Variants in CWF19L1 observed in about 807,000 individuals in gnomAD.
CWF19L1 encodes the protein CWF19-like protein 1.
CWF19L1 carries 60 observed loss-of-function variants against 69.7 expected under a neutral mutation model. The observed-to-expected ratio is 0.86, with a 90% CI of 0.70 to 1.07. CWF19L1 has a LOEUF of 1.07. Among genes scored for constraint, CWF19L1 ranks in the 50% least tolerant of loss-of-function variants. The pLI is 0.00. For synonymous variants in CWF19L1, 209 were observed against 222.2 expected, an observed-to-expected ratio of 0.94 and a Z score of 0.53; for missense variants, 591 against 638.9, an observed-to-expected ratio of 0.92 and a Z score of 0.81.
At position 100,246,068 on chromosome 10, in the gene CWF19L1, GT is replaced by G. The variant is rs1846810648; in HGVS notation, c.850-156del. The G allele has an allele frequency of 1.4e-5, 8 of 578,794 alleles. No homozygotes were observed. In the South Asian group the frequency reaches 1.8e-4, roughly 13 times the overall value. 35.9% of individuals were successfully genotyped at this position (578,794 alleles called of 1,614,324 possible). A position where few individuals can be genotyped will look rare whatever the true frequency, so the allele number is the denominator to read the frequency against. On this transcript the variant is annotated intron_variant, in intron 8 of 13. Coordinates refer to ENST00000354105, the MANE Select transcript of CWF19L1 (RefSeq NM_018294.6). ...TCTAGGGAAGCAAAATATCTTCCCA[GT>G]TCTGATGCCTGAAGTCTCAGTCATA...
chr10:100,234,719 T>C (rs1405870955), intron 13 of CWF19L1, among the ~76,000 whole-genome samples: 1 of 152,228 alleles, frequency 6.6e-6, no homozygotes, highest in Non-Finnish European at 1.5e-5. Context: ...CAGCATCAGA[T>C]ACTCTGTTCT....
At chr10:100,257,489 G>A (rs1357974192) in intron 4 of CWF19L1, among the ~76,000 whole-genome samples, 1 of 151,612 alleles carries the variant, frequency 6.6e-6, no homozygotes, top group Admixed American at 6.6e-5. Flanking sequence ...TAGTAGAGAT[G>A]GGGTTTCATC....
At chr10:100,247,999 A>G (rs1846887029) in intron 7 of CWF19L1, among the ~76,000 whole-genome samples, 1 of 152,128 alleles carries the variant, frequency 6.6e-6, no homozygotes, top group Admixed American at 6.6e-5. Flanking sequence ...AAGTTTTTAG[A>G]TGAATTTAAC....
chr10:100,238,318 G>A (rs1043796058), intron 10 of CWF19L1, 87 bp from the exon 11 acceptor site: 1 of 1,193,670 alleles, frequency 8.4e-7, no homozygotes, highest in Admixed American at 2.1e-5. Flanking sequence ...GTGAGCCTGA[G>A]GGTGTAGGCG....
rs2134268636 is a variant in CWF19L1 at position 100,233,321 on chromosome 10, C to T, written c.1523G>A (p.Trp508Ter). The T allele has an allele frequency of 6.2e-7, 1 of 1,613,960 alleles. No individual in the cohort carries two copies. The highest frequency in any genetic ancestry group is 1.7e-5 in the Admixed American group (1 of 60,004). Residue 508 changes from tryptophan to a stop codon, truncating the protein, a stop_gained, in exon 14 of 14, where the codon TGG (tryptophan) becomes TAG (stop). Transcript: ENST00000354105. LOFTEE classifies it high-confidence loss of function. ...AILNVPDKSD[W>*]RQCQISKEDE... ...TTCCTTGCTGATCTGACACTGCCTC[C>T]AGTCAGACTTATCAGGAACATTAAG...
chr10:100,233,644 G>T (rs1424286230), intron 13 of CWF19L1, among the ~76,000 whole-genome samples: 1 of 152,164 alleles, frequency 6.6e-6, no homozygotes, highest in Non-Finnish European at 1.5e-5. Flanking sequence ...CATAGAAAAA[G>T]GGCAGGCCCT....
chr10:100,254,678 C>A (rs868109893), intron 5 of CWF19L1: 1 of 152,126 alleles, frequency 6.6e-6, no homozygotes, highest in African/African-American at 2.4e-5. Flanking sequence ...CATAAATATA[C>A]TGTATGGTTA....
chr10:100,246,994 A>T, intron 7 of CWF19L1, 59 bp from the exon 8 acceptor site: 2 of 1,454,884 alleles, frequency 1.4e-6, no homozygotes, highest in Non-Finnish European at 1.9e-6. Flanking sequence ...AACTGTAATC[A>T]ACCTATTTTA....
chr10:100,267,540 G>A (rs750288690), intron 1 of CWF19L1, 31 bp downstream of exon 1: 4 of 1,614,054 alleles, frequency 2.5e-6, no homozygotes, highest in South Asian at 1.1e-5. Context: ...AAGAGACACA[G>A]GGAGAGAGGC....
At chr10:100,260,910 T>G in intron 3 of CWF19L1, 56 bp downstream of exon 3, 1 of 1,081,726 alleles carries the variant, frequency 9.2e-7, no homozygotes. Flanking sequence ...CTGCAAGAAC[T>G]CTGGCCCTTG....
chr10:100,248,564 T>C (rs1034935604), intron 7 of CWF19L1: 2 of 728,462 alleles, frequency 2.7e-6, no homozygotes, highest in Admixed American at 3.7e-5. Flanking sequence ...GCTAGCCAGC[T>C]TCCTCGCATC....
chr10:100,246,126 C>A, intron 8 of CWF19L1: 1 of 467,546 alleles, frequency 2.1e-6, no homozygotes, highest in Non-Finnish European at 3.8e-6. Context: ...CTGCCAAATT[C>A]ATCTCTTTGG....
intron 10 of CWF19L1, among the ~76,000 whole-genome samples, chr10:100,240,823 C>T (rs778971969): frequency 3.3e-5 from 5 of 151,858 alleles, no homozygotes; most frequent in East Asian, 1.9e-4. Flanking sequence ...AATCCAAAGA[C>T]GAAAAAAGAT....
At chr10:100,237,194 G>A in intron 11 of CWF19L1, 1 of 721,070 alleles carries the variant, frequency 1.4e-6, no homozygotes, top group Non-Finnish European at 2.6e-6. Flanking sequence ...AAAGGCTTAA[G>A]AGAGATATCT....
chr10:100,239,845 T>C (rs1210401530), intron 10 of CWF19L1, among the ~76,000 whole-genome samples: 1 of 152,230 alleles, frequency 6.6e-6, no homozygotes, highest in African/African-American at 2.4e-5. Flanking sequence ...TCCAGATGAC[T>C]AAAGTTGATG....
At chr10:100,242,189 A>G (rs1164502852) in intron 10 of CWF19L1, among the ~76,000 whole-genome samples, 1 of 152,202 alleles carries the variant, frequency 6.6e-6, no homozygotes, top group Non-Finnish European at 1.5e-5. Flanking sequence ...CCGTTCTCAT[A>G]GTCTGATTCA....
intron 2 of CWF19L1, 74 bp from the exon 3 acceptor site, chr10:100,261,118 A>G (rs1847386053): frequency 2.1e-6 from 2 of 958,310 alleles, no homozygotes; most frequent in East Asian, 5.2e-5. Flanking sequence ...GTAATATTCA[A>G]CTAGTTATTT....
rs544253324 is a variant in CWF19L1 at position 100,258,197 on chromosome 10, C to T, written c.290-1721G>A. 2.6e-5 allele frequency among the ~76,000 whole-genome samples: 4 copies of T among 152,258 alleles called. No individual in the cohort carries two copies. In the South Asian group the frequency reaches 8.3e-4, roughly 32 times the overall value. ...AGGTTGCAGTGAGCCAAGACTATGC[C>T]ATTGCAATTCAGTCTGGGCAACAAG... On this transcript the variant is annotated intron_variant, in intron 4 of 13. Coordinates refer to ENST00000354105, the MANE Select transcript of CWF19L1 (RefSeq NM_018294.6).
intron 10 of CWF19L1, among the ~76,000 whole-genome samples, chr10:100,240,769 A>G (rs1846609997): frequency 6.6e-6 from 1 of 152,182 alleles, no homozygotes; most frequent in Non-Finnish European, 1.5e-5. Context: ...TTCAAAGCCT[A>G]ACTTACTATA....
Sources: allele counts gnomAD v4.1 joint callset (sites outside exome capture counted in the v4.1 genomes callset), GRCh38; gene constraint gnomAD v4.1.1; transcripts MANE v1.5; gene names NCBI Gene and HGNC (gene_info 2026-07-23, HGNC 2026-07-21).